SORCS1: variants seen among roughly 807,000 people sequenced by gnomAD.
SORCS1 encodes sortilin related VPS10 domain containing receptor 1.
SORCS1 carries 60 observed loss-of-function variants against 146.1 expected under a neutral mutation model. That is an observed-to-expected ratio of 0.41 (90% CI 0.33 to 0.51). The LOEUF is 0.51. SORCS1 is among the 20% of genes least tolerant of loss of function. The probability of loss-of-function intolerance (pLI) is 0.21; values close to 1 mark genes in which losing one functional copy is unlikely to be tolerated. For synonymous variants in SORCS1, 637 were observed against 584.0 expected (o/e 1.09, Z -1.31); for missense variants, 1,352 against 1,487.6 (o/e 0.91, Z 1.50).
chr10:107,178,381 G>A, the SORCS1 span, among the ~76,000 whole-genome samples: 6 of 152,028 alleles, frequency 3.9e-5, no homozygotes, highest in South Asian at 2.1e-4. Flanking sequence ...GTGTGAACAT[G>A]TGATATTTGT....
chr10:106,594,437 G>C (rs558717960), intron 24 of SORCS1, among the ~76,000 whole-genome samples: 1 of 152,062 alleles, frequency 6.6e-6, no homozygotes, highest in Admixed American at 6.5e-5. Context: ...ATCATTTATC[G>C]TTTCTTTGTG....
chr10:106,829,623 A>C lies in SORCS1; in HGVS notation c.677T>G (p.Leu226Trp). 6.2e-7 allele frequency: 1 copy of C among 1,608,602 alleles called. No homozygotes were observed. The highest frequency in any genetic ancestry group is 1.1e-5 in the South Asian group (1 of 90,734). Residue 226 changes from leucine (L) to tryptophan (W), a missense_variant, in exon 3 of 26, where the codon TTG becomes TGG. Coordinates refer to ENST00000263054, the MANE Select transcript of SORCS1 (RefSeq NM_052918.5). ...ATAGAGATAGCTCAAAATGGTTTTC[A>C]AACCAACTTTATCATTCAGCTTCTC... ...TYEKLNDKVG[L>W]KTILSYLYVC... is the part of the protein sequence containing the mutation.
chr10:106,957,779 C>T (rs1334851029), intron 1 of SORCS1, among the ~76,000 whole-genome samples: 4 of 152,126 alleles, frequency 2.6e-5, no homozygotes, highest in African/African-American at 7.2e-5. Context: ...AATCCTCCTC[C>T]GAAATAGAAA....
chr10:106,897,083 C>T (rs962261730), intron 2 of SORCS1, among the ~76,000 whole-genome samples: 18 of 151,874 alleles, frequency 1.2e-4, no homozygotes, highest in African/African-American at 3.6e-4. Flanking sequence ...TTAGTAGAGA[C>T]GGGGTTTCAC....
chr10:107,180,872 T>TCTAGGCTATGTGGCATAGCCTATTGCTC, the SORCS1 span, among the ~76,000 whole-genome samples: 28 of 152,208 alleles, frequency 1.8e-4, no homozygotes, highest in Admixed American at 1.8e-3. Context: ...ACACCTAGGC[T>TCTAGGCTATGTGGCATAGCCTATTGCTC]CTAGGCTATG....
chr10:106,985,596 C>G (rs1956436204), intron 1 of SORCS1, among the ~76,000 whole-genome samples: 1 of 148,222 alleles, frequency 6.7e-6, no homozygotes, highest in Non-Finnish European at 1.5e-5. Context: ...AGTGCAGTGG[C>G]ACGATCTTGG....
intron 17 of SORCS1, among the ~76,000 whole-genome samples, chr10:106,656,653 T>C (rs1029471378): frequency 6.1e-5 from 9 of 148,692 alleles, no homozygotes; most frequent in East Asian, 2.0e-4. Context: ...TTCTATTTAG[T>C]AGGTTTTTTT....
At chr10:106,901,135 C>T (rs1472683497) in intron 2 of SORCS1, among the ~76,000 whole-genome samples, 2 of 152,142 alleles carry the variant, frequency 1.3e-5, no homozygotes, top group Non-Finnish European at 2.9e-5. Flanking sequence ...GAGTGGTAAA[C>T]TAAACTTTTC....
At chr10:107,158,539 T>C (rs928774601) in intron 1 of SORCS1, among the ~76,000 whole-genome samples, 2 of 152,230 alleles carry the variant, frequency 1.3e-5, no homozygotes, top group Non-Finnish European at 2.9e-5. Flanking sequence ...AGCCAGAAGA[T>C]GCCCAACTCT....
At chr10:106,634,189 G>T (rs1343815777) in intron 18 of SORCS1, among the ~76,000 whole-genome samples, 1 of 152,174 alleles carries the variant, frequency 6.6e-6, no homozygotes, top group Non-Finnish European at 1.5e-5. Context: ...AACTTCGCTA[G>T]GAAAATGAGT....
At chr10:106,781,296 C>A (rs1480984603) in intron 3 of SORCS1, among the ~76,000 whole-genome samples, 1 of 152,010 alleles carries the variant, frequency 6.6e-6, no homozygotes, top group Non-Finnish European at 1.5e-5. Flanking sequence ...TTTTTCGTAC[C>A]ATTTCTTTGG....
chr10:106,972,039 C>T (rs796104194), intron 1 of SORCS1, among the ~76,000 whole-genome samples: 1 of 152,026 alleles, frequency 6.6e-6, no homozygotes, highest in Non-Finnish European at 1.5e-5. Flanking sequence ...ATTCATTTAA[C>T]CTGTTTTTAT....
chr10:107,078,673 G>C (rs1963084449), intron 1 of SORCS1, among the ~76,000 whole-genome samples: 1 of 152,026 alleles, frequency 6.6e-6, no homozygotes, highest in Admixed American at 6.6e-5. Flanking sequence ...CTAAAGCTTT[G>C]TACTTGATCA....
chr10:106,994,147 T>C (rs752459467), intron 1 of SORCS1, among the ~76,000 whole-genome samples: 3 of 151,650 alleles, frequency 2.0e-5, no homozygotes, highest in South Asian at 2.1e-4. Context: ...TAAACCCACT[T>C]TGCTATTAAT....
At chr10:106,932,481 A>T (rs938009817) in intron 2 of SORCS1, among the ~76,000 whole-genome samples, 6 of 152,226 alleles carry the variant, frequency 3.9e-5, no homozygotes, top group Non-Finnish European at 8.8e-5. Flanking sequence ...TTGCTGCCTT[A>T]GAGTGATAGT....
At chr10:106,812,181 T>G (rs376457508) in intron 3 of SORCS1, among the ~76,000 whole-genome samples, 12 of 152,268 alleles carry the variant, frequency 7.9e-5, no homozygotes, top group African/African-American at 2.9e-4. Flanking sequence ...TTTGTATTTT[T>G]AGTAGAGACG....
At chr10:107,132,478 G>A (rs919617053) in intron 1 of SORCS1, among the ~76,000 whole-genome samples, 5 of 152,084 alleles carry the variant, frequency 3.3e-5, no homozygotes, top group Admixed American at 3.3e-4. Flanking sequence ...GATGTTATTT[G>A]TACCATGTAC....
chr10:107,126,426 CAG>C (rs1966715172), intron 1 of SORCS1, among the ~76,000 whole-genome samples: 2 of 152,142 alleles, frequency 1.3e-5, no homozygotes, highest in African/African-American at 4.8e-5. Context: ...CTTCGATAGA[CAG>C]GTATCTACCT....
At chr10:107,139,190 A>C (rs6584797) in intron 1 of SORCS1, among the ~76,000 whole-genome samples, 14,008 of 152,242 alleles carry the variant, frequency 0.092, 909 homozygotes, top group East Asian at 0.34. Flanking sequence ...TCTTTCTTTA[A>C]AAAGAAATTG....
Sources: gnomAD v4.1 joint callset for allele counts (sites outside exome capture counted in the v4.1 genomes callset) on GRCh38, gnomAD v4.1.1 for gene constraint, MANE v1.5 for transcripts, NCBI Gene and HGNC (gene_info 2026-07-23, HGNC 2026-07-21) for gene names.